MED12L: variants seen among roughly 807,000 people sequenced by gnomAD.
MED12L encodes the protein mediator of RNA polymerase II transcription subunit 12-like protein.
MED12L carries 60 observed loss-of-function variants against 281.3 expected under a neutral mutation model. The ratio of observed to expected loss-of-function variants is 0.21; its 90% CI spans 0.17 to 0.26. The LOEUF (loss-of-function observed/expected upper bound fraction) is 0.26, where lower values mean the gene tolerates loss of function less well. Ranked by LOEUF, MED12L falls within the 10% of genes least tolerant of loss-of-function variation. The pLI is 1.00. For missense variants in MED12L, 2,146 were observed against 2,680.9 expected, an observed-to-expected ratio of 0.80 and a Z score of 4.41; for synonymous variants, 974 against 987.2, an observed-to-expected ratio of 0.99 and a Z score of 0.25.
intron 11 of MED12L, among the ~76,000 whole-genome samples, chr3:151,169,279 C>T (rs910456070): frequency 1.2e-4 from 18 of 151,652 alleles, no homozygotes; most frequent in East Asian, 5.8e-4. Flanking sequence ...CCGTCACGCC[C>T]GGTTAATATT....
intron 16 of MED12L, among the ~76,000 whole-genome samples, chr3:151,308,123 G>A (rs559313559): frequency 6.6e-6 from 1 of 151,994 alleles, no homozygotes; most frequent in African/African-American, 2.4e-5. Context: ...TGTAATTCAT[G>A]GCAAGTATAC....
intron 42 of MED12L, among the ~76,000 whole-genome samples, chr3:151,413,510 C>T (rs774631753): frequency 1.2e-3 from 183 of 152,136 alleles, no homozygotes; most frequent in Non-Finnish European, 1.8e-3. Flanking sequence ...CAGAAGAGTA[C>T]GTTTTGCAGA....
intron 16 of MED12L, among the ~76,000 whole-genome samples, chr3:151,197,478 A>G (rs1182601286): frequency 6.6e-6 from 1 of 152,090 alleles, no homozygotes; most frequent in African/African-American, 2.4e-5. Context: ...CTGGGGCCCT[A>G]CGTGGAGTCA....
chr3:151,088,503 C>T (rs1430076395), intron 2 of MED12L, among the ~76,000 whole-genome samples: 1 of 152,144 alleles, frequency 6.6e-6, no homozygotes, highest in Admixed American at 6.5e-5. Context: ...GTTGGTTGAA[C>T]TTTATCATCT....
At chr3:151,368,586 ATTTATTTTATTTTAT>A (rs71637017) in intron 25 of MED12L, among the ~76,000 whole-genome samples, 221 of 120,750 alleles carry the variant, frequency 1.8e-3, no homozygotes, top group African/African-American at 5.5e-3. Context: ...GGCAATGGTG[ATTTATTTTATTTTAT>A]TTTATTTTAT....
chr3:151,260,908 C>T (rs915863412), intron 16 of MED12L, among the ~76,000 whole-genome samples: 4 of 152,112 alleles, frequency 2.6e-5, no homozygotes, highest in African/African-American at 4.8e-5. Context: ...ATCTTGACGG[C>T]GTCACATCCA....
chr3:151,338,177 C>T lies in MED12L; in HGVS notation c.2251-11882C>T, dbSNP rs112155006. On this transcript the variant is annotated intron_variant, in intron 16 of 44. Coordinates refer to ENST00000687756, the MANE Select transcript of MED12L (RefSeq NM_001393769.1). ...TCCTGGGGACTTTACCTACACCCCT[C>T]GTTCTTACGTATGACCGGTACAGTT... 355 of 1,614,002 alleles carry T rather than the reference C, an allele frequency of 2.2e-4. No homozygotes were observed. Among genetic ancestry groups the T allele is most frequent in the African/African-American group, 7.5e-4 (56 of 75,022 alleles).
chr3:151,348,106 T>G (rs74807235), intron 16 of MED12L, among the ~76,000 whole-genome samples: 1 of 152,148 alleles, frequency 6.6e-6, no homozygotes, highest in African/African-American at 2.4e-5. Context: ...CCTTGTATTT[T>G]TTCAGGGCTC....
chr3:151,149,308 A>T (rs529311824), intron 5 of MED12L, among the ~76,000 whole-genome samples: 1 of 152,338 alleles, frequency 6.6e-6, no homozygotes, highest in South Asian at 2.1e-4. Flanking sequence ...CTTCAGAGAT[A>T]TTATGGGTTC....
At chr3:151,206,770 G>A (rs373081880) in intron 16 of MED12L, among the ~76,000 whole-genome samples, 1 of 146,440 alleles carries the variant, frequency 6.8e-6, no homozygotes, top group African/African-American at 2.5e-5. Flanking sequence ...TCAGCCTCCC[G>A]AGTAGCTGGG....
At chr3:151,178,875 T>C (rs953947719) in intron 11 of MED12L, among the ~76,000 whole-genome samples, 3 of 152,216 alleles carry the variant, frequency 2.0e-5, no homozygotes, top group Non-Finnish European at 4.4e-5. Flanking sequence ...ATTAAACCCA[T>C]AACTTAATCT....
At chr3:151,421,873 T>C (rs1447624258) in intron 43 of MED12L, among the ~76,000 whole-genome samples, 1 of 152,224 alleles carries the variant, frequency 6.6e-6, no homozygotes, top group Non-Finnish European at 1.5e-5. Flanking sequence ...TTTGTTTTTT[T>C]CTTTGCTAGA....
intron 16 of MED12L, chr3:151,338,012 A>G (rs893264382): frequency 2.5e-6 from 4 of 1,614,140 alleles, no homozygotes; most frequent in East Asian, 2.2e-5. Context: ...TCTCTTTCAC[A>G]TAGAACAGAG....
chr3:151,095,304 T>C (rs1018007748), intron 2 of MED12L, among the ~76,000 whole-genome samples: 1 of 152,166 alleles, frequency 6.6e-6, no homozygotes, highest in East Asian at 1.9e-4. Context: ...ACCAAGGAAA[T>C]TGGCAAATGC....
intron 16 of MED12L, among the ~76,000 whole-genome samples, chr3:151,217,417 C>A (rs930159622): frequency 6.6e-6 from 1 of 152,226 alleles, no homozygotes; most frequent in Non-Finnish European, 1.5e-5. Flanking sequence ...TGGTGATATA[C>A]ACCATTCCCC....
chr3:151,349,418 A>G (rs775300897), intron 16 of MED12L, among the ~76,000 whole-genome samples: 1 of 152,186 alleles, frequency 6.6e-6, no homozygotes, highest in Admixed American at 6.5e-5. Context: ...ATAAATATAC[A>G]TGTATCTCAC....
Position 151,394,905 on chromosome 3 carries a change from T to G in MED12L, c.5820+38T>G, listed in dbSNP as rs769480168. 15 of 1,611,424 alleles carry G rather than the reference T, an allele frequency of 9.3e-6. No homozygotes were observed. The South Asian group carries it at 1.7e-4, about 18-fold the overall frequency. On this transcript the variant is annotated intron_variant, in intron 39 of 44. Transcript: ENST00000687756. ...CCCAGCAATGGAGTCCTTTGCATTTTATTACCTCTGCTAGCTTGGGATAAG... is the reference window on the plus strand; with the variant it reads ...CCCAGCAATGGAGTCCTTTGCATTTGATTACCTCTGCTAGCTTGGGATAAG...
chr3:151,123,268 A>G (rs1015378697), intron 4 of MED12L, among the ~76,000 whole-genome samples: 4 of 152,202 alleles, frequency 2.6e-5, no homozygotes, highest in African/African-American at 9.6e-5. Flanking sequence ...TTTAAAAAAA[A>G]ATTACATTTC....
chr3:151,300,237 G>C, intron 16 of MED12L: 1 of 724,128 alleles, frequency 1.4e-6, no homozygotes, highest in Non-Finnish European at 2.5e-6. Flanking sequence ...AATCATCTGG[G>C]AAGGAATTTT....
Sources: allele counts gnomAD v4.1 joint callset (sites outside exome capture counted in the v4.1 genomes callset), GRCh38; gene constraint gnomAD v4.1.1; transcripts MANE v1.5; gene names NCBI Gene and HGNC (gene_info 2026-07-23, HGNC 2026-07-21).